The following PAPPA2 variants were observed in gnomAD, a reference collection of about 807,000 sequenced individuals.
PAPPA2 encodes the protein pappalysin 2.
Under a neutral mutation model 176.4 loss-of-function variants are expected in PAPPA2, and 86 were observed. The ratio of observed to expected loss-of-function variants is 0.49; its 90% CI spans 0.41 to 0.58. The LOEUF (loss-of-function observed/expected upper bound fraction) is 0.58. PAPPA2 is among the 20% of genes least tolerant of loss of function. The pLI, the probability that PAPPA2 is intolerant of heterozygous loss-of-function variation, is 0.00. For synonymous variants in PAPPA2, 809 were observed against 852.2 expected (o/e 0.95, Z 0.88); for missense variants, 2,073 against 2,256.9 (o/e 0.92, Z 1.65).
chr1:176,556,158 A>C lies in PAPPA2; in HGVS notation c.-165A>C. ...GGCAGAGCGGCCAGCACAGGTAGCC[A>C]GCAGAGGCATTCTTGGGGCTATTTG... is the stretch of plus-strand genomic sequence containing the variant. On this transcript the variant is annotated 5_prime_UTR_variant, in exon 2 of 23. Transcript: ENST00000367662. The C allele has an allele frequency of 2.5e-6, 2 of 797,796 alleles. No homozygotes were observed. Among genetic ancestry groups the C allele is most frequent in the South Asian group, 3.6e-5 (2 of 55,882 alleles). 49.4% of individuals were successfully genotyped at this position (797,796 alleles called of 1,614,324 possible). A position where few individuals can be genotyped will look rare whatever the true frequency, so the allele number is the denominator to read the frequency against.
At chr1:176,569,134 G>A (rs61269371) in intron 2 of PAPPA2, among the ~76,000 whole-genome samples, 87 of 152,244 alleles carry the variant, frequency 5.7e-4, no homozygotes, top group East Asian at 3.1e-3. Flanking sequence ...GCACACATGT[G>A]CACAGATATA....
intron 1 of PAPPA2, among the ~76,000 whole-genome samples, chr1:176,524,210 C>A (rs1649357188): frequency 6.6e-6 from 1 of 152,074 alleles, no homozygotes; most frequent in Non-Finnish European, 1.5e-5. Context: ...TGGCATATAG[C>A]AGATCTGATG....
intron 1 of PAPPA2, among the ~76,000 whole-genome samples, chr1:176,506,097 T>C (rs1025418864): frequency 6.6e-6 from 1 of 152,124 alleles, no homozygotes; most frequent in African/African-American, 2.4e-5. Flanking sequence ...ATTTATTGAA[T>C]AAGGAGTCCC....
At chr1:176,542,573 C>T (rs1411507388) in intron 1 of PAPPA2, among the ~76,000 whole-genome samples, 2 of 152,174 alleles carry the variant, frequency 1.3e-5, no homozygotes, top group Non-Finnish European at 2.9e-5. Flanking sequence ...AAGCCTGCCC[C>T]CTCAACGATA....
In PAPPA2 at chr1:176,731,317, T is replaced by C. The variant is rs562122389; in HGVS notation, c.3799-8309T>C. 5.9e-5 allele frequency among the ~76,000 whole-genome samples: 9 copies of C among 152,190 alleles called. No individual in the cohort carries two copies. The East Asian group carries it at 1.7e-3, about 29-fold the overall frequency. On this transcript the variant is annotated intron_variant, in intron 12 of 22. Coordinates refer to ENST00000367662, the MANE Select transcript of PAPPA2 (RefSeq NM_020318.3). Reference sequence around the variant, plus strand: ...TGTACACTGTAAATATATATAATTTTGAGACGGAGTCTCACTTTGTTGCCC... The same window carrying C: ...TGTACACTGTAAATATATATAATTTCGAGACGGAGTCTCACTTTGTTGCCC...
intron 3 of PAPPA2, among the ~76,000 whole-genome samples, chr1:176,641,914 T>C (rs946690075): frequency 6.6e-6 from 1 of 151,964 alleles, no homozygotes; most frequent in Non-Finnish European, 1.5e-5. Flanking sequence ...GGTTAGTGTG[T>C]ACAATTTTGC....
Position 176,556,770 on chromosome 1 carries a change from A to G in PAPPA2, c.448A>G (p.Asn150Asp). The G allele has an allele frequency of 6.2e-7, 1 of 1,614,112 alleles. No individual in the cohort carries two copies. Among genetic ancestry groups the G allele is most frequent in the Non-Finnish European group, 8.5e-7 (1 of 1,179,994 alleles). ...GGGAGATGATGACGCTTATCTCGGCAATCAAAGATCCAAGGAGTCTCTAGG... is the reference window on the plus strand; with the variant it reads ...GGGAGATGATGACGCTTATCTCGGCGATCAAAGATCCAAGGAGTCTCTAGG... ...LLGDDDAYLG[N>D]QRSKESLGEA... Residue 150 changes from asparagine (N) to aspartate (D), a missense_variant, in exon 2 of 23, where the codon AAT becomes GAT. By Grantham distance (23) the Asn-to-Asp change is conservative. Coordinates refer to ENST00000367662, the MANE Select transcript of PAPPA2 (RefSeq NM_020318.3).
intron 2 of PAPPA2, among the ~76,000 whole-genome samples, chr1:176,570,621 G>T (rs943259952): frequency 6.6e-6 from 1 of 151,482 alleles, no homozygotes; most frequent in African/African-American, 2.4e-5. Flanking sequence ...CTTGGGCAAT[G>T]CTCCCTCCTG....
At chr1:176,660,031 T>A (rs765461246) in intron 3 of PAPPA2, among the ~76,000 whole-genome samples, 1 of 152,126 alleles carries the variant, frequency 6.6e-6, no homozygotes, top group Non-Finnish European at 1.5e-5. Context: ...AGACTAAATA[T>A]GCACCATTTC....
chr1:176,485,567 T>G (rs1050256630), intron 1 of PAPPA2, among the ~76,000 whole-genome samples: 8 of 152,154 alleles, frequency 5.3e-5, no homozygotes, highest in Middle Eastern at 3.2e-3. Context: ...TTTATTTTCT[T>G]CATAGCACTT....
chr1:176,626,695 C>T (rs1656040744), intron 3 of PAPPA2, among the ~76,000 whole-genome samples: 1 of 151,968 alleles, frequency 6.6e-6, no homozygotes, highest in Non-Finnish European at 1.5e-5. Context: ...AAAGGGAGTG[C>T]ATTTGAGGGA....
At chr1:176,649,381 T>C (rs1457573148) in intron 3 of PAPPA2, among the ~76,000 whole-genome samples, 1 of 149,202 alleles carries the variant, frequency 6.7e-6, no homozygotes, top group Admixed American at 6.7e-5. Flanking sequence ...AAAAAAACTT[T>C]TGTTTTTTTT....
chr1:176,801,030 G>A (rs1275372386), intron 21 of PAPPA2, among the ~76,000 whole-genome samples: 1 of 151,878 alleles, frequency 6.6e-6, no homozygotes, highest in Non-Finnish European at 1.5e-5. Context: ...CTTTTAAATA[G>A]GGCAGAATAT....
chr1:176,681,775 G>A (rs1458330630), intron 4 of PAPPA2, among the ~76,000 whole-genome samples: 1 of 152,146 alleles, frequency 6.6e-6, no homozygotes, highest in Non-Finnish European at 1.5e-5. Flanking sequence ...TTTTAGGAAT[G>A]CATCTGCTTG....
At position 176,706,189 on chromosome 1, in the gene PAPPA2, A is replaced by G. The variant is rs546286576; in HGVS notation, c.3366-170A>G. Among the ~76,000 whole-genome samples, 8 of 152,260 alleles carry G rather than the reference A, an allele frequency of 5.3e-5. No homozygotes were observed. The East Asian group carries it at 1.2e-3, about 22-fold the overall frequency. On this transcript the variant is annotated intron_variant, in intron 9 of 22. Transcript: ENST00000367662. ...TGCTTAAATTGTATCTACTTTATAT[A>G]TCCATATGTTTGTTTCTATTTTCTG...
intron 2 of PAPPA2, among the ~76,000 whole-genome samples, chr1:176,562,139 C>T (rs1383684532): frequency 1.3e-5 from 2 of 152,150 alleles, no homozygotes; most frequent in South Asian, 4.1e-4. Flanking sequence ...AGACCCTTCA[C>T]GATTTCTTGA....
chr1:176,768,338 G>A (rs553021588), intron 15 of PAPPA2, among the ~76,000 whole-genome samples: 1 of 152,102 alleles, frequency 6.6e-6, no homozygotes. Context: ...CCTGGCCGAG[G>A]ATGGCAGTTC....
Position 176,582,644 on chromosome 1 carries a change from T to C in PAPPA2, c.920-11880T>C, listed in dbSNP as rs576739889. ...ATAGTGTATGTTTTTTTTTATGTGC[T>C]GTTAGATTTGGTTTGCTAATATTTT... On this transcript the variant is annotated intron_variant, in intron 2 of 22. Coordinates refer to ENST00000367662, the MANE Select transcript of PAPPA2 (RefSeq NM_020318.3). 2.0e-5 allele frequency among the ~76,000 whole-genome samples: 3 copies of C among 152,322 alleles called. No individual in the cohort carries two copies. The South Asian group carries it at 6.2e-4, about 32-fold the overall frequency.
At chr1:176,623,428 G>T (rs752885973) in intron 3 of PAPPA2, among the ~76,000 whole-genome samples, 11 of 152,094 alleles carry the variant, frequency 7.2e-5, no homozygotes, top group Non-Finnish European at 1.5e-4. Context: ...AATGAATAGT[G>T]CAAACTTCAG....
Sources: gnomAD v4.1 joint callset for allele counts (sites outside exome capture counted in the v4.1 genomes callset) on GRCh38, gnomAD v4.1.1 for gene constraint, MANE v1.5 for transcripts, NCBI Gene and HGNC (gene_info 2026-07-23, HGNC 2026-07-21) for gene names.